The following NBEA variants were observed in gnomAD, a reference collection of about 807,000 sequenced individuals.
NBEA encodes lysosomal-trafficking regulator 2.
NBEA carries 44 observed loss-of-function variants against 343.4 expected under a neutral mutation model. The observed-to-expected ratio is 0.13, with a 90% confidence interval of 0.10 to 0.16. NBEA has a LOEUF of 0.16. Ranked by LOEUF, NBEA falls within the 10% of genes least tolerant of loss-of-function variation. The pLI is 1.00. For synonymous variants in NBEA, 1,175 were observed against 1,238.7 expected, an observed-to-expected ratio of 0.95 and a Z score of 1.08; for missense variants, 2,555 against 3,631.3, an observed-to-expected ratio of 0.70 and a Z score of 7.62.
At chr13:35,071,715 A>C (rs374233406) in intron 10 of NBEA, among the ~76,000 whole-genome samples, 1 of 152,048 alleles carries the variant, frequency 6.6e-6, no homozygotes, top group Admixed American at 6.6e-5. Flanking sequence ...TGGCGAATCT[A>C]GTGAATGAAG....
At chr13:34,988,187 G>A (rs368373593) in intron 1 of NBEA, among the ~76,000 whole-genome samples, 3 of 151,006 alleles carry the variant, frequency 2.0e-5, no homozygotes, top group Non-Finnish European at 4.5e-5. Context: ...AGGGTTACCC[G>A]CCTGTTTGAG....
At position 35,069,987 on chromosome 13, in the gene NBEA, C is replaced by G. The variant is rs1352122177; in HGVS notation, c.1319C>G (p.Ala440Gly). The G allele has an allele frequency of 2.5e-6, 4 of 1,605,534 alleles. No individual in the cohort carries two copies. Among genetic ancestry groups the G allele is most frequent in the African/African-American group, 1.3e-5 (1 of 74,628 alleles). Reference sequence around the variant, plus strand: ...CAGGTGTTATATGATGGGAAACTTGCAAGTAGCATTGCCTTTACATATAAT... The same window carrying G: ...CAGGTGTTATATGATGGGAAACTTGGAAGTAGCATTGCCTTTACATATAAT... Reference protein sequence around the residue: ...HKQVLYDGKLASSIAFTYNAK... With the variant: ...HKQVLYDGKLGSSIAFTYNAK... Residue 440 changes from alanine (A) to glycine (G), a missense_variant, in exon 9 of 59, where the codon GCA (alanine) becomes GGA (glycine). Coordinates refer to ENST00000379939, the MANE Select transcript of NBEA (RefSeq NM_001385012.1).
Position 35,550,579 on chromosome 13 carries a change from T to A in NBEA, c.6688T>A (p.Phe2230Ile). The stretch of plus-strand genomic sequence containing the variant: ...TCTACAAAACACTGCTTTGGAAGTA[T>A]TTATGGCAAACCGAAGTAAGTCCCC... ...YLLQNTALEV[F>I]MANRTSVMFN... is the part of the protein sequence containing the mutation. The change falls in exon 42 of 59, where the codon TTT becomes ATT. Residue 2230 changes from phenylalanine to isoleucine, a missense_variant. Around this residue, in one of 21 missense-constraint regions of NBEA, gnomAD observed 246 missense variants for 313.7 expected, o/e 0.78. Transcript: ENST00000379939. The A allele has an allele frequency of 6.2e-7, 1 of 1,609,606 alleles. No individual in the cohort carries two copies. The highest frequency in any genetic ancestry group is 8.5e-7 in the Non-Finnish European group (1 of 1,176,410).
chr13:35,140,452 A>G (rs998532188), intron 17 of NBEA, among the ~76,000 whole-genome samples: 1 of 152,326 alleles, frequency 6.6e-6, no homozygotes, highest in Admixed American at 6.5e-5. Flanking sequence ...GCGAGGCTTG[A>G]GTTGGAAGAG....
intron 34 of NBEA, among the ~76,000 whole-genome samples, chr13:35,236,341 G>A (rs1407740789): frequency 6.6e-6 from 1 of 152,106 alleles, no homozygotes; most frequent in Non-Finnish European, 1.5e-5. Flanking sequence ...TCTTAAACAT[G>A]TAAAGAAGTT....
intron 47 of NBEA, among the ~76,000 whole-genome samples, chr13:35,594,749 C>T (rs2081691012): frequency 6.6e-6 from 1 of 151,840 alleles, no homozygotes; most frequent in African/African-American, 2.4e-5. Context: ...CATAGGCTCC[C>T]ATTGAACAGT....
At chr13:35,126,773 C>T (rs2067153609) in intron 17 of NBEA, among the ~76,000 whole-genome samples, 1 of 151,866 alleles carries the variant, frequency 6.6e-6, no homozygotes, top group Non-Finnish European at 1.5e-5. Context: ...CAAAAATTAG[C>T]CGGGCATGGT....
intron 55 of NBEA, among the ~76,000 whole-genome samples, chr13:35,660,424 T>C (rs913207482): frequency 2.6e-4 from 39 of 152,324 alleles, no homozygotes; most frequent in African/African-American, 9.4e-4. Flanking sequence ...CAAATATTCA[T>C]TGGGTAGTTT....
chr13:35,292,987 A>T, intron 35 of NBEA, among the ~76,000 whole-genome samples: 1 of 151,970 alleles, frequency 6.6e-6, no homozygotes, highest in East Asian at 1.9e-4. Flanking sequence ...GCTACAACAC[A>T]TTAGATGGCT....
At chr13:35,009,900 A>G (rs1313763959) in intron 1 of NBEA, among the ~76,000 whole-genome samples, 2 of 152,142 alleles carry the variant, frequency 1.3e-5, no homozygotes, top group African/African-American at 2.4e-5. Context: ...AGACATTTGA[A>G]TGTGGGGGCA....
At position 35,263,230 on chromosome 13, in the gene NBEA, C is replaced by T. The variant is rs575736335; in HGVS notation, c.5777-27159C>T. Among the ~76,000 whole-genome samples the T allele has an allele frequency of 4.6e-5, 7 of 151,632 alleles. No individual in the cohort carries two copies. In the East Asian group the frequency reaches 1.2e-3, roughly 25 times the overall value. ...TGATCATTCCCTGGGAAAAGGCAGT[C>T]TTTTCAACAGATGGGAAAAGTGGAT... On this transcript the variant is annotated intron_variant, in intron 34 of 58. Transcript: ENST00000379939.
intron 45 of NBEA, among the ~76,000 whole-genome samples, chr13:35,571,615 C>A (rs12583857): frequency 0.072 from 10,922 of 152,100 alleles, 409 homozygotes; most frequent in South Asian, 0.1. Context: ...AGTGACAAAG[C>A]AAATTTCCAT....
At chr13:35,129,363 A>G (rs1315432305) in intron 17 of NBEA, among the ~76,000 whole-genome samples, 3 of 152,192 alleles carry the variant, frequency 2.0e-5, no homozygotes, top group Non-Finnish European at 1.5e-5. Flanking sequence ...AAATTCTCAC[A>G]TTCCAGAAAT....
chr13:35,521,132 A>G (rs2077691516), intron 41 of NBEA, among the ~76,000 whole-genome samples: 1 of 151,950 alleles, frequency 6.6e-6, no homozygotes, highest in South Asian at 2.1e-4. Context: ...TAACCTTGCA[A>G]TAAGGGAGGA....
chr13:35,131,569 A>G (rs2067431877), intron 17 of NBEA, among the ~76,000 whole-genome samples: 1 of 152,206 alleles, frequency 6.6e-6, no homozygotes, highest in Admixed American at 6.5e-5. Flanking sequence ...GTCTACTGAA[A>G]ACTTTCCACA....
intron 49 of NBEA, 93 bp from the exon 50 acceptor site, chr13:35,645,776 C>A: frequency 1.7e-6 from 1 of 604,408 alleles, no homozygotes; most frequent in Non-Finnish European, 2.8e-6. Context: ...TTCTGCTGAT[C>A]ACCCTCTGAA....
chr13:35,227,167 G>T (rs7325188), intron 33 of NBEA, among the ~76,000 whole-genome samples: 2 of 151,406 alleles, frequency 1.3e-5, no homozygotes, highest in Admixed American at 6.6e-5. Flanking sequence ...CATGTTTTCC[G>T]TAGCGGCCAC....
intron 5 of NBEA, 33 bp downstream of exon 5, chr13:35,048,717 C>A (rs770278422): frequency 4.4e-6 from 5 of 1,127,578 alleles, no homozygotes; most frequent in Non-Finnish European, 6.4e-6. Context: ...GTACTTTTTT[C>A]TTTAAGTACT....
intron 46 of NBEA, among the ~76,000 whole-genome samples, chr13:35,585,387 CT>C (rs1475915398): frequency 6.8e-6 from 1 of 147,078 alleles, no homozygotes. Flanking sequence ...CCTATCATGT[CT>C]CTTGAAGCAT....
Sources: gnomAD v4.1 joint callset for allele counts (sites outside exome capture counted in the v4.1 genomes callset) on GRCh38, gnomAD v4.1.1 for gene constraint, gnomAD v4.1.1 regional missense constraint, MANE v1.5 for transcripts, NCBI Gene and HGNC (gene_info 2026-07-23, HGNC 2026-07-21) for gene names.